Variants in BORCS8 observed in about 807,000 individuals in gnomAD.
BORCS8 encodes the protein BLOC-1-related complex subunit 8.
Under a neutral mutation model 18.7 loss-of-function variants are expected in BORCS8, and 13 were observed. The ratio of observed to expected loss-of-function variants is 0.70; its 90% CI spans 0.45 to 1.11. The LOEUF is 1.11. Among genes scored for constraint, BORCS8 ranks in the 50% least tolerant of loss-of-function variants. BORCS8 has a pLI of 0.00. For synonymous variants in BORCS8, 68 were observed against 64.8 expected (o/e 1.05, Z -0.24); for missense variants, 165 against 165.7 (o/e 1.00, Z 0.02).
Position 19,182,522 on chromosome 19 carries a change from C to T in BORCS8, c.326+51G>A, listed in dbSNP as rs763820160. 2.0e-5 allele frequency: 31 copies of T among 1,533,688 alleles called. No homozygotes were observed. The highest frequency in any genetic ancestry group is 4.1e-5 in the Admixed American group (2 of 48,836). ...AGCGGTTCCCAGCGCAGCTGAGAGA[C>T]GGTCCTTGCAGCTGGGAGTGGCAGT... On this transcript the variant is annotated intron_variant, in intron 4 of 5. Transcript: ENST00000462790. This position sits in a 1 kb window ranked among gnomAD's most constrained non-coding sequence, Gnocchi z 4.1.
intron 1 of BORCS8, among the ~76,000 whole-genome samples, chr19:19,191,745 A>T (rs565406836): frequency 2.0e-5 from 3 of 151,604 alleles, no homozygotes; most frequent in East Asian, 3.9e-4. Context: ...ACGCCCGGCT[A>T]ATTTTTGTAT....
intron 3 of BORCS8, among the ~76,000 whole-genome samples, chr19:19,183,849 C>T (rs927632369): frequency 3.3e-5 from 5 of 151,586 alleles, no homozygotes; most frequent in Non-Finnish European, 2.9e-5. Flanking sequence ...GGATTACAGG[C>T]GTGAGCCACT....
intron 1 of BORCS8, among the ~76,000 whole-genome samples, chr19:19,189,101 C>A (rs762694468): frequency 1.1e-4 from 17 of 152,142 alleles, no homozygotes; most frequent in Non-Finnish European, 5.9e-5. Context: ...TCCCAGAGTG[C>A]TGGGATTACA....
At chr19:19,184,190 C>T (rs2060382333) in intron 3 of BORCS8, among the ~76,000 whole-genome samples, 1 of 151,466 alleles carries the variant, frequency 6.6e-6, no homozygotes, top group Non-Finnish European at 1.5e-5. Flanking sequence ...TTCATTTTAA[C>T]GAGTTAAAAT....
Position 19,186,017 on chromosome 19 carries a change from G to C in BORCS8, c.215+17C>G. The C allele has an allele frequency of 1.3e-6, 2 of 1,549,924 alleles. No homozygotes were observed. Among genetic ancestry groups the C allele is most frequent in the Non-Finnish European group, 1.7e-6 (2 of 1,146,770 alleles). On this transcript the variant is annotated intron_variant, in intron 3 of 5. Transcript: ENST00000462790. ...CAGCAAAAGGTGGCCCTGCAGCGGG[G>C]AGGCTGTGGCGCTCACCTGCAGGCG... is the stretch of plus-strand genomic sequence containing the variant.
chr19:19,180,540 C>G, intron 5 of BORCS8, 146 bp downstream of exon 5: 8 of 665,120 alleles, frequency 1.2e-5, no homozygotes, highest in Non-Finnish European at 5.4e-6. Context: ...GCAGACACCC[C>G]TCCACCTGCC....
chr19:19,179,021 A>G (rs11085258), intron 5 of BORCS8: 51,169 of 151,788 alleles, frequency 0.34, 9,049 homozygotes, highest in Non-Finnish European at 0.39. Flanking sequence ...TGGCGGTTCC[A>G]GGGAGAGGCG....
intron 2 of BORCS8, among the ~76,000 whole-genome samples, chr19:19,186,523 C>T (rs1046357166): frequency 1.1e-4 from 16 of 152,142 alleles, no homozygotes; most frequent in Admixed American, 9.2e-4. Flanking sequence ...TGAGTTCTCA[C>T]GAGATCTTGT....
Position 19,192,099 on chromosome 19 carries a change from G to C in BORCS8, c.19C>G (p.Gln7Glu). The change falls in exon 1 of 6, where the codon CAG (glutamine) becomes GAG (glutamate). Residue 7 changes from glutamine to glutamate, a missense_variant. Transcript: ENST00000462790. MEEPEM[Q>E]LKGKKVTDKF... ...GCACCACCTTTCTTCCCCTTGAGCTGCATCTCCGGCTCCTCCATAGCGACC... is the reference window on the plus strand; with the variant it reads ...GCACCACCTTTCTTCCCCTTGAGCTCCATCTCCGGCTCCTCCATAGCGACC... The C allele has an allele frequency of 6.4e-7, 1 of 1,551,366 alleles. No individual in the cohort carries two copies. Among genetic ancestry groups the C allele is most frequent in the Non-Finnish European group, 8.7e-7 (1 of 1,146,870 alleles).
Position 19,180,720 on chromosome 19 carries a change from T to C in BORCS8, c.*8A>G, listed in dbSNP as rs2146411939. ...CGGAGGCTGGGGGGCCCCGAGTCTC[T>C]TCCAGGATCAGGCTGAGGAGGGCGG... On this transcript the variant is annotated 3_prime_UTR_variant, in exon 5 of 6. Transcript: ENST00000462790. 3 of 1,550,586 alleles carry C rather than the reference T, an allele frequency of 1.9e-6. No homozygotes were observed. The East Asian group carries it at 7.3e-5, about 38-fold the overall frequency.
Position 19,182,568 on chromosome 19 carries a change from G to C in BORCS8, c.326+5C>G. ...GCAGTGGGGGCGGGCGGTCCCAGGA[G>C]CTACCTGTGGCCCTGGGCACTGGCA... On this transcript the variant is annotated splice_donor_5th_base_variant and intron_variant, in intron 4 of 5. Transcript: ENST00000462790. This position sits in a 1 kb window ranked among gnomAD's most constrained non-coding sequence, Gnocchi z 4.1. 6.5e-7 allele frequency: 1 copy of C among 1,549,968 alleles called. No individual in the cohort carries two copies. Among genetic ancestry groups the C allele is most frequent in the South Asian group, 1.2e-5 (1 of 84,006 alleles).
chr19:19,188,517 A>G (rs1464467396), intron 1 of BORCS8, among the ~76,000 whole-genome samples: 1 of 152,052 alleles, frequency 6.6e-6, no homozygotes, highest in Non-Finnish European at 1.5e-5. Context: ...ACTGCTGCCT[A>G]CTGCACTTCC....
chr19:19,184,289 T>C (rs77805918), intron 3 of BORCS8, among the ~76,000 whole-genome samples: 1 of 135,692 alleles, frequency 7.4e-6, no homozygotes, highest in African/African-American at 3.1e-5. Context: ...TTTTTGTTGG[T>C]TTTTTTTTTT....
In BORCS8 at chr19:19,180,732, G is replaced by A. The variant is rs1297149655; in HGVS notation, c.356C>T (p.Ala119Val). Residue 119 changes from alanine to valine, a missense_variant, in exon 5 of 6, where the codon GCC becomes GTC. Physicochemically the swap from Ala to Val is moderately conservative, Grantham distance 64 (BLOSUM62 0). Coordinates refer to ENST00000462790, the MANE Select transcript of BORCS8 (RefSeq NM_001145784.2). ...GGCCCCGAGTCTCTTCCAGGATCAG[G>A]CTGAGGAGGGCGGGGGTGGTTCCTC... ...SPEEPPPPSSA is the reference protein window; with the variant it reads ...SPEEPPPPSSV 2.6e-6 allele frequency: 4 copies of A among 1,550,624 alleles called. No individual in the cohort carries two copies. The highest frequency in any genetic ancestry group is 1.2e-5 in the South Asian group (1 of 83,936).
intron 5 of BORCS8, chr19:19,179,634 G>C (rs1323846348): frequency 6.5e-6 from 1 of 152,672 alleles, no homozygotes; most frequent in Admixed American, 6.5e-5. Context: ...CAGGGGCTCG[G>C]TAAGTCCCCA....
Position 19,182,224 on chromosome 19 carries a change from C to T in BORCS8, c.326+349G>A. 1 of 394,136 alleles carries T rather than the reference C, an allele frequency of 2.5e-6. No individual in the cohort carries two copies. The highest frequency in any genetic ancestry group is 3.6e-6 in the Non-Finnish European group (1 of 279,034). The allele number at this position is 394,136 out of a possible 1,614,324, so 24.4% of individuals were successfully genotyped here. A position where few individuals can be genotyped will look rare whatever the true frequency, so the allele number is the denominator to read the frequency against. ...CGTCTCTGTCTGCATGTAACTCATG[C>T]CACCTCCTAGGAGGGGCCCCGCAGT... On this transcript the variant is annotated intron_variant, in intron 4 of 5. Transcript: ENST00000462790. This position sits in a 1 kb window ranked among gnomAD's most constrained non-coding sequence, Gnocchi z 4.1.
rs1248216995 is a variant in BORCS8 at position 19,177,221 on chromosome 19, C to G, written c.*282G>C. 1 of 152,190 alleles carries G rather than the reference C, an allele frequency of 6.6e-6. No individual in the cohort carries two copies. The highest frequency in any genetic ancestry group is 1.5e-5 in the Non-Finnish European group (1 of 68,084). 9.4% of individuals were successfully genotyped at this position (152,190 alleles called of 1,614,324 possible). A position where few individuals can be genotyped will look rare whatever the true frequency, so the allele number is the denominator to read the frequency against. On this transcript the variant is annotated 3_prime_UTR_variant, in exon 6 of 6. Coordinates refer to ENST00000462790, the MANE Select transcript of BORCS8 (RefSeq NM_001145784.2). Reference sequence around the variant, plus strand: ...GGGTGGCTTCTCCATGTGGCCTGAGCCTGGGGTGGGCGTTGCTGCTTGAGG... The same window carrying G: ...GGGTGGCTTCTCCATGTGGCCTGAGGCTGGGGTGGGCGTTGCTGCTTGAGG...
chr19:19,186,072 C>G lies in BORCS8; in HGVS notation c.177G>C (p.Gln59His). 6.4e-7 allele frequency: 1 copy of G among 1,551,388 alleles called. No individual in the cohort carries two copies. ...HKADMQRWEEQSQGAIYTVEY... is the reference protein window; with the variant it reads ...HKADMQRWEEHSQGAIYTVEY... ...CCACAGTGTAGATGGCTCCCTGGCT[C>G]TGCTCCTCCCAACGCTGCATGTCTG... Residue 59 changes from glutamine to histidine, a missense_variant, in exon 3 of 6, where the codon CAG becomes CAC. Physicochemically the swap from Gln to His is conservative, Grantham distance 24. Transcript: ENST00000462790.
chr19:19,186,375 A>G (rs2060409065), intron 2 of BORCS8, among the ~76,000 whole-genome samples: 1 of 152,190 alleles, frequency 6.6e-6, no homozygotes, highest in Non-Finnish European at 1.5e-5. Context: ...CTGTAACAGA[A>G]TAGTATAGTT....
Sources: gnomAD v4.1 joint callset for allele counts (sites outside exome capture counted in the v4.1 genomes callset) on GRCh38, gnomAD v4.1.1 for gene constraint, Gnocchi (gnomAD v3.1) non-coding constraint, MANE v1.5 for transcripts, NCBI Gene and HGNC (gene_info 2026-07-23, HGNC 2026-07-21) for gene names.